RUNX1: variants seen among roughly 807,000 people sequenced by gnomAD.
RUNX1 encodes RUNX family transcription factor 1, also known as runt-related transcription factor 1.
A neutral mutation model predicts 42.8 loss-of-function variants in RUNX1; 19 were observed. That is an observed-to-expected ratio of 0.44 (90% CI 0.31 to 0.65). The LOEUF is 0.65. RUNX1 is among the 30% of genes least tolerant of loss of function. The probability of loss-of-function intolerance (pLI) is 0.07; values close to 1 mark genes in which losing one functional copy is unlikely to be tolerated. For synonymous variants in RUNX1, 271 were observed against 289.4 expected (o/e 0.94, Z 0.64); for missense variants, 528 against 672.0 (o/e 0.79, Z 2.37).
At chr21:34,958,240 A>G (rs2058658837) in intron 2 of RUNX1, among the ~76,000 whole-genome samples, 1 of 152,102 alleles carries the variant, frequency 6.6e-6, no homozygotes, top group Non-Finnish European at 1.5e-5. Flanking sequence ...CTTATGGCGA[A>G]CCCCTTCCCC....
chr21:34,962,825 C>A (rs2058690925), intron 2 of RUNX1, among the ~76,000 whole-genome samples: 1 of 152,198 alleles, frequency 6.6e-6, no homozygotes, highest in Non-Finnish European at 1.5e-5. Context: ...CACTTTCCTG[C>A]CTCACCGTTG....
At position 35,030,298 on chromosome 21, in the gene RUNX1, G is replaced by A. The variant is rs551746763; in HGVS notation, c.58+18544C>T. 6.6e-5 allele frequency among the ~76,000 whole-genome samples: 10 copies of A among 152,124 alleles called. No homozygotes were observed. In the East Asian group the frequency reaches 1.2e-3, roughly 18 times the overall value. ...GCAGAGCTTGCAGTGAGTCGAGATC[G>A]TGCCACTGCACTCCAGCCTGAGTGA... On this transcript the variant is annotated intron_variant, in intron 2 of 8. Coordinates refer to ENST00000675419, the MANE Select transcript of RUNX1 (RefSeq NM_001754.5).
chr21:34,870,975 A>T (rs1470598378), intron 5 of RUNX1, among the ~76,000 whole-genome samples: 1 of 152,142 alleles, frequency 6.6e-6, no homozygotes, highest in Non-Finnish European at 1.5e-5. Flanking sequence ...ACAAAAACAA[A>T]AAAACAAACA....
chr21:34,877,522 CAAAGAGAGAAACAT>C (rs2057831852), intron 5 of RUNX1, among the ~76,000 whole-genome samples: 1 of 152,046 alleles, frequency 6.6e-6, no homozygotes, highest in African/African-American at 2.4e-5. Context: ...GATACTGAAT[CAAAGAGAGAAACAT>C]TCCAAGGGTG....
chr21:34,983,319 T>A (rs1003124129), intron 2 of RUNX1, among the ~76,000 whole-genome samples: 2 of 152,178 alleles, frequency 1.3e-5, no homozygotes, highest in Admixed American at 6.5e-5. Flanking sequence ...TGGCCCTTAT[T>A]TCTCTCAAAC....
intron 2 of RUNX1, among the ~76,000 whole-genome samples, chr21:34,946,679 T>C (rs1459419944): frequency 6.6e-6 from 1 of 152,148 alleles, no homozygotes; most frequent in Non-Finnish European, 1.5e-5. Flanking sequence ...TATCAAAGGG[T>C]ACAGCTTTGC....
intron 2 of RUNX1, among the ~76,000 whole-genome samples, chr21:34,947,870 TAAC>T (rs771131182): frequency 2.0e-5 from 3 of 152,192 alleles, no homozygotes; most frequent in Non-Finnish European, 4.4e-5. Context: ...GGGATGTTGC[TAAC>T]ATTTGGAAAG....
intron 2 of RUNX1, among the ~76,000 whole-genome samples, chr21:35,010,304 A>G (rs1370557052): frequency 6.6e-6 from 1 of 152,208 alleles, no homozygotes; most frequent in African/African-American, 2.4e-5. Flanking sequence ...GGTAGTAACA[A>G]CAACTGCTAG....
At chr21:35,006,682 G>A (rs541757281) in intron 2 of RUNX1, among the ~76,000 whole-genome samples, 3 of 152,290 alleles carry the variant, frequency 2.0e-5, no homozygotes, top group East Asian at 3.9e-4. Context: ...CAATATTATC[G>A]TTATTAATAT....
intron 2 of RUNX1, among the ~76,000 whole-genome samples, chr21:34,975,322 C>T (rs1048873812): frequency 5.3e-5 from 8 of 152,208 alleles, no homozygotes; most frequent in African/African-American, 9.7e-5. Context: ...GATCTCTCTA[C>T]GTATAGATCT....
At chr21:34,793,331 T>A (rs2056477408) in intron 8 of RUNX1, among the ~76,000 whole-genome samples, 1 of 152,120 alleles carries the variant, frequency 6.6e-6, no homozygotes, top group South Asian at 2.1e-4. Context: ...TATGAAATGA[T>A]GTAGTATAGC....
intron 2 of RUNX1, among the ~76,000 whole-genome samples, chr21:34,982,474 C>T (rs2058854302): frequency 6.6e-6 from 1 of 151,600 alleles, no homozygotes; most frequent in Non-Finnish European, 1.5e-5. Context: ...GGGAAAGTTA[C>T]CATCCACTCT....
At chr21:34,956,746 C>A (rs1471486250) in intron 2 of RUNX1, among the ~76,000 whole-genome samples, 2 of 152,146 alleles carry the variant, frequency 1.3e-5, no homozygotes. Flanking sequence ...AACATTTGAG[C>A]CCATTTGCCC....
chr21:34,861,903 C>T (rs13047845), intron 5 of RUNX1, among the ~76,000 whole-genome samples: 5 of 151,930 alleles, frequency 3.3e-5, no homozygotes, highest in East Asian at 3.9e-4. Flanking sequence ...ATGCAGTTTG[C>T]GGCTGTGTAG....
At chr21:34,930,270 G>GTGTGTA (rs372412304) in intron 2 of RUNX1, among the ~76,000 whole-genome samples, 5,269 of 122,920 alleles carry the variant, frequency 0.043, 205 homozygotes, top group African/African-American at 0.066. Flanking sequence ...GTGTGTGTAT[G>GTGTGTA]TATATATATA....
chr21:35,022,387 A>G (rs978928394), intron 2 of RUNX1, among the ~76,000 whole-genome samples: 1 of 152,202 alleles, frequency 6.6e-6, no homozygotes, highest in African/African-American at 2.4e-5. Flanking sequence ...GGTGTCTGGT[A>G]TCAGTAATCT....
intron 2 of RUNX1, among the ~76,000 whole-genome samples, chr21:35,045,732 T>C (rs2059391389): frequency 6.6e-6 from 1 of 152,210 alleles, no homozygotes; most frequent in African/African-American, 2.4e-5. Context: ...CCAGAAGAAG[T>C]GTCTTAATAA....
chr21:34,909,651 T>C (rs1215006087), intron 2 of RUNX1, among the ~76,000 whole-genome samples: 1 of 68,760 alleles, frequency 1.5e-5, no homozygotes, highest in Non-Finnish European at 2.6e-5. Flanking sequence ...CAGAGTGACC[T>C]CTTCAGCTGA....
At chr21:35,030,106 G>A (rs1441547213) in intron 2 of RUNX1, among the ~76,000 whole-genome samples, 1 of 152,202 alleles carries the variant, frequency 6.6e-6, no homozygotes, top group Non-Finnish European at 1.5e-5. Flanking sequence ...CACTTTGGGA[G>A]GCCAAGGCGG....
Sources: gnomAD v4.1 joint callset for allele counts (sites outside exome capture counted in the v4.1 genomes callset) on GRCh38, gnomAD v4.1.1 for gene constraint, MANE v1.5 for transcripts, NCBI Gene and HGNC (gene_info 2026-07-23, HGNC 2026-07-21) for gene names.